The following KCND3 variants were observed in gnomAD, a reference collection of about 807,000 sequenced individuals.
KCND3 encodes the protein A-type voltage-gated potassium channel KCND3.
KCND3 carries 9 observed loss-of-function variants against 51.1 expected under a neutral mutation model. The observed-to-expected ratio is 0.18, with a 90% CI of 0.11 to 0.31. The LOEUF (loss-of-function observed/expected upper bound fraction) is 0.31. Ranked by LOEUF, KCND3 falls within the 10% of genes least tolerant of loss-of-function variation. The pLI, the probability that KCND3 is intolerant of heterozygous loss-of-function variation, is 1.00. For missense variants in KCND3, 526 were observed against 903.8 expected (o/e 0.58, Z 5.36); for synonymous variants, 349 against 368.0 (o/e 0.95, Z 0.59).
At chr1:111,818,072 AC>A (rs1168585074) in intron 2 of KCND3, among the ~76,000 whole-genome samples, 7 of 151,342 alleles carry the variant, frequency 4.6e-5, no homozygotes, top group Admixed American at 3.9e-4. Context: ...ACACACACAC[AC>A]ACACAGAATT....
chr1:111,910,559 A>T (rs1670891005), intron 2 of KCND3, among the ~76,000 whole-genome samples: 1 of 152,200 alleles, frequency 6.6e-6, no homozygotes, highest in African/African-American at 2.4e-5. Context: ...GGAGATACTC[A>T]TCTGCAGGGC....
At chr1:111,873,845 TACTCAAGATTC>T (rs1668936336) in intron 2 of KCND3, among the ~76,000 whole-genome samples, 1 of 151,984 alleles carries the variant, frequency 6.6e-6, no homozygotes, top group Non-Finnish European at 1.5e-5. Flanking sequence ...CAGCCTGTGG[TACTCAAGATTC>T]ATAAAATATC....
intron 2 of KCND3, among the ~76,000 whole-genome samples, chr1:111,876,939 G>A (rs77569663): frequency 5.3e-4 from 80 of 152,292 alleles, no homozygotes; most frequent in East Asian, 1.9e-3. Flanking sequence ...TTCTCTCTCC[G>A]GGTAGGATGG....
chr1:111,907,555 A>G (rs1670706014), intron 2 of KCND3, among the ~76,000 whole-genome samples: 1 of 152,238 alleles, frequency 6.6e-6, no homozygotes, highest in Non-Finnish European at 1.5e-5. Flanking sequence ...CCTGACTACA[A>G]TCACGTGAGG....
chr1:111,981,293 A>C lies in KCND3; in HGVS notation c.1106+328T>G, dbSNP rs906334906. Among the ~76,000 whole-genome samples the C allele has an allele frequency of 2.0e-5, 3 of 152,190 alleles. No homozygotes were observed. In the South Asian group the frequency reaches 6.2e-4, roughly 32 times the overall value. On this transcript the variant is annotated intron_variant, in intron 2 of 7. Transcript: ENST00000302127. The surrounding 1 kb of genome is among the most constrained non-coding windows in gnomAD (Gnocchi z 6.2). ...TCCCCACGCTGCCCCATATGCGCAA[A>C]TGCATATACAAATGCAGACATCACC...
intron 2 of KCND3, among the ~76,000 whole-genome samples, chr1:111,931,596 G>T (rs566682036): frequency 1.2e-4 from 18 of 152,250 alleles, no homozygotes; most frequent in African/African-American, 3.9e-4. Context: ...AACCTCTCTG[G>T]GTTTCCATTT....
At chr1:111,908,903 G>A (rs185679376) in intron 2 of KCND3, among the ~76,000 whole-genome samples, 5 of 150,904 alleles carry the variant, frequency 3.3e-5, no homozygotes, top group East Asian at 3.9e-4. Context: ...TTCCCATCTC[G>A]GTGGCTAAGT....
intron 2 of KCND3, among the ~76,000 whole-genome samples, chr1:111,867,479 G>A (rs571747386): frequency 6.6e-6 from 1 of 152,308 alleles, no homozygotes; most frequent in South Asian, 2.1e-4. Context: ...CCAAGGTGAG[G>A]CTGACTTTGG....
intron 2 of KCND3, among the ~76,000 whole-genome samples, chr1:111,884,367 G>A (rs1309912478): frequency 6.6e-6 from 1 of 152,238 alleles, no homozygotes; most frequent in African/African-American, 2.4e-5. Context: ...CACATTGAAA[G>A]AGGGAAGGAG....
At chr1:111,961,370 T>G (rs761899346) in intron 2 of KCND3, among the ~76,000 whole-genome samples, 1 of 152,244 alleles carries the variant, frequency 6.6e-6, no homozygotes, top group Non-Finnish European at 1.5e-5. Context: ...AATAATTGTT[T>G]CCTCGTTCCC....
At chr1:111,937,830 G>A (rs1672296359) in intron 2 of KCND3, among the ~76,000 whole-genome samples, 1 of 152,178 alleles carries the variant, frequency 6.6e-6, no homozygotes, top group Admixed American at 6.5e-5. Context: ...CTGGGCTGGG[G>A]AGCCAAGATG....
intron 2 of KCND3, among the ~76,000 whole-genome samples, chr1:111,881,189 C>T (rs543603127): frequency 2.6e-5 from 4 of 152,368 alleles, no homozygotes; most frequent in Non-Finnish European, 5.9e-5. Context: ...TCCTGTCTCC[C>T]GTTCCTACCC....
intron 2 of KCND3, among the ~76,000 whole-genome samples, chr1:111,968,859 G>T (rs1048677156): frequency 2.1e-4 from 32 of 152,182 alleles, no homozygotes; most frequent in African/African-American, 7.0e-4. Context: ...AGCCACTGTG[G>T]AGTGGGTAGG....
intron 2 of KCND3, among the ~76,000 whole-genome samples, chr1:111,826,354 T>A (rs146445138): frequency 6.3e-4 from 96 of 152,368 alleles, no homozygotes; most frequent in African/African-American, 2.2e-3. Flanking sequence ...GAATTTCTTG[T>A]TCTAATTTCA....
intron 2 of KCND3, among the ~76,000 whole-genome samples, chr1:111,965,387 G>C (rs1673909997): frequency 6.9e-6 from 1 of 144,180 alleles, no homozygotes; most frequent in Admixed American, 7.3e-5. Flanking sequence ...AATGGCCCAG[G>C]TTACCCTGAG....
At chr1:111,847,480 A>C (rs931096971) in intron 2 of KCND3, among the ~76,000 whole-genome samples, 1 of 152,206 alleles carries the variant, frequency 6.6e-6, no homozygotes, top group African/African-American at 2.4e-5. Flanking sequence ...CACGTCAGGC[A>C]GGGCAGCCCA....
chr1:111,898,622 G>A (rs1420537313), intron 2 of KCND3, among the ~76,000 whole-genome samples: 2 of 152,206 alleles, frequency 1.3e-5, no homozygotes, highest in Admixed American at 1.3e-4. Flanking sequence ...GGGCAGTAAA[G>A]TCATGTGTTT....
chr1:111,879,162 T>C (rs1669190415), intron 2 of KCND3, among the ~76,000 whole-genome samples: 1 of 152,188 alleles, frequency 6.6e-6, no homozygotes. Flanking sequence ...CTGCAGATCT[T>C]GGGACTACTC....
At chr1:111,954,320 C>T (rs771717138) in intron 2 of KCND3, among the ~76,000 whole-genome samples, 5 of 152,166 alleles carry the variant, frequency 3.3e-5, no homozygotes, top group Admixed American at 6.5e-5. Flanking sequence ...TAACTGTGCC[C>T]GCTACCCCAC....
Sources: gnomAD v4.1 joint callset for allele counts (sites outside exome capture counted in the v4.1 genomes callset) on GRCh38, gnomAD v4.1.1 for gene constraint, Gnocchi (gnomAD v3.1) non-coding constraint, MANE v1.5 for transcripts, NCBI Gene and HGNC (gene_info 2026-07-23, HGNC 2026-07-21) for gene names.